The following CACNA2D2 variants were observed in gnomAD, a reference collection of about 807,000 sequenced individuals.
CACNA2D2 encodes the protein voltage-dependent calcium channel subunit alpha-2/delta-2.
In CACNA2D2, 48 loss-of-function variants were observed where a neutral mutation model predicts 166.4. The ratio of observed to expected loss-of-function variants is 0.29; its 90% confidence interval spans 0.23 to 0.37. The LOEUF (loss-of-function observed/expected upper bound fraction) is 0.37. Ranked by LOEUF, CACNA2D2 falls within the 10% of genes least tolerant of loss-of-function variation. CACNA2D2 has a pLI of 1.00. For missense variants in CACNA2D2, 1,122 were observed against 1,433.0 expected (o/e 0.78, Z 3.50); for synonymous variants, 561 against 573.7 (o/e 0.98, Z 0.32).
At chr3:50,401,189 G>A (rs1706432326) in intron 3 of CACNA2D2, among the ~76,000 whole-genome samples, 1 of 152,152 alleles carries the variant, frequency 6.6e-6, no homozygotes, top group Non-Finnish European at 1.5e-5. Context: ...GCAGCAACAG[G>A]CTCCCTGACC....
chr3:50,447,360 C>A lies in CACNA2D2; in HGVS notation c.289-12931G>T, dbSNP rs758540777. ...TTGGAGGCGATGGTGCCCTGGGCTT[C>A]CACATCGTCTGTCGGCAACCTCCAG... is the stretch of plus-strand genomic sequence containing the variant. On this transcript the variant is annotated intron_variant, in intron 2 of 37. Transcript: ENST00000424201. Among the ~76,000 whole-genome samples, 3 of 152,188 alleles carry A rather than the reference C, an allele frequency of 2.0e-5. No individual in the cohort carries two copies. In the South Asian group the frequency reaches 6.2e-4, roughly 31 times the overall value.
At chr3:50,405,791 G>T (rs1426472629) in intron 3 of CACNA2D2, among the ~76,000 whole-genome samples, 1 of 152,176 alleles carries the variant, frequency 6.6e-6, no homozygotes, top group Non-Finnish European at 1.5e-5. Flanking sequence ...TGTACCATTA[G>T]GGACAGAGCT....
At chr3:50,436,791 C>T (rs1412344337) in intron 2 of CACNA2D2, among the ~76,000 whole-genome samples, 3 of 152,216 alleles carry the variant, frequency 2.0e-5, no homozygotes, top group Admixed American at 6.5e-5. Context: ...CCAAAGCCAT[C>T]GGCTCCATTC....
intron 2 of CACNA2D2, among the ~76,000 whole-genome samples, chr3:50,452,467 C>T (rs1709146740): frequency 6.6e-6 from 1 of 152,192 alleles, no homozygotes; most frequent in Non-Finnish European, 1.5e-5. Flanking sequence ...GCAGGGGGAG[C>T]CCTGACAATC....
At chr3:50,447,606 G>T (rs559803917) in intron 2 of CACNA2D2, among the ~76,000 whole-genome samples, 7 of 152,276 alleles carry the variant, frequency 4.6e-5, no homozygotes, top group African/African-American at 1.4e-4. Context: ...CCTCAACAGA[G>T]GCTCACTCAG....
Position 50,376,275 on chromosome 3 carries a change from C to T in CACNA2D2, c.1627-87G>A, listed in dbSNP as rs1009559374. On this transcript the variant is annotated intron_variant, in intron 17 of 37. Coordinates refer to ENST00000424201, the MANE Select transcript of CACNA2D2 (RefSeq NM_006030.4). This position sits in a 1 kb window ranked among gnomAD's most constrained non-coding sequence, Gnocchi z 4.3. ...GAGTTCTTCCCTATTTGGCCTCCCA[C>T]CGCACCGAGAGATTCTGTTTGCCTG... 1.5e-5 allele frequency: 20 copies of T among 1,354,796 alleles called. No individual in the cohort carries two copies. The African/African-American group carries it at 2.9e-4, about 20-fold the overall frequency. The allele number at this position is 1,354,796 out of a possible 1,614,324, so 83.9% of individuals were successfully genotyped here.
At chr3:50,480,675 A>C (rs1438630041) in intron 1 of CACNA2D2, among the ~76,000 whole-genome samples, 2 of 150,164 alleles carry the variant, frequency 1.3e-5, no homozygotes, top group East Asian at 2.0e-4. Context: ...TGGGGTGAGA[A>C]GCTGCAGCTG....
intron 1 of CACNA2D2, among the ~76,000 whole-genome samples, chr3:50,493,364 G>C (rs531634696): frequency 6.6e-6 from 1 of 152,334 alleles, no homozygotes; most frequent in East Asian, 1.9e-4. Context: ...AGAGGAAGTC[G>C]GCTGGGGGCT....
intron 1 of CACNA2D2, among the ~76,000 whole-genome samples, chr3:50,500,977 G>C (rs1302313112): frequency 6.6e-6 from 1 of 152,138 alleles, no homozygotes; most frequent in African/African-American, 2.4e-5. Flanking sequence ...AGACACTAAT[G>C]AGAAAATGAC....
intron 3 of CACNA2D2, among the ~76,000 whole-genome samples, chr3:50,404,214 G>A (rs946809430): frequency 6.6e-6 from 1 of 152,166 alleles, no homozygotes; most frequent in Admixed American, 6.5e-5. Context: ...GTGAAGGTGT[G>A]AGTGGGGTGA....
At chr3:50,417,441 ACAT>A (rs1472991098) in intron 3 of CACNA2D2, among the ~76,000 whole-genome samples, 2 of 152,202 alleles carry the variant, frequency 1.3e-5, no homozygotes, top group African/African-American at 4.8e-5. Context: ...TCTTTTGCTG[ACAT>A]CAGCAGCTGC....
chr3:50,457,660 C>A (rs747615451), intron 2 of CACNA2D2, among the ~76,000 whole-genome samples: 1 of 152,192 alleles, frequency 6.6e-6, no homozygotes, highest in Admixed American at 6.5e-5. Flanking sequence ...CGTACCTCTG[C>A]CACTGCCTCA....
intron 5 of CACNA2D2, among the ~76,000 whole-genome samples, chr3:50,385,457 C>A (rs1210003821): frequency 6.6e-6 from 1 of 152,206 alleles, no homozygotes; most frequent in Non-Finnish European, 1.5e-5. Context: ...CCTGGGCATG[C>A]CCCTCCCCTG....
intron 3 of CACNA2D2, among the ~76,000 whole-genome samples, chr3:50,421,238 A>G (rs1299137030): frequency 2.0e-5 from 3 of 152,252 alleles, no homozygotes; most frequent in African/African-American, 7.2e-5. Context: ...GACAGACATC[A>G]TATTTTGCAA....
chr3:50,405,998 C>T (rs577295413), intron 3 of CACNA2D2, among the ~76,000 whole-genome samples: 2 of 150,932 alleles, frequency 1.3e-5, no homozygotes, highest in South Asian at 4.2e-4. Context: ...ATCTCTACCC[C>T]CTATCCATTG....
At chr3:50,466,246 T>C (rs1709821722) in intron 2 of CACNA2D2, among the ~76,000 whole-genome samples, 2 of 151,766 alleles carry the variant, frequency 1.3e-5, no homozygotes, top group South Asian at 4.2e-4. Context: ...ATGCTCACCA[T>C]GCATGGGGGA....
At chr3:50,496,425 G>C (rs981670333) in intron 1 of CACNA2D2, among the ~76,000 whole-genome samples, 1 of 152,234 alleles carries the variant, frequency 6.6e-6, no homozygotes, top group African/African-American at 2.4e-5. Context: ...CACAGGTGTA[G>C]ACACGCCCAC....
At chr3:50,447,163 G>A (rs913541467) in intron 2 of CACNA2D2, among the ~76,000 whole-genome samples, 5 of 152,218 alleles carry the variant, frequency 3.3e-5, no homozygotes, top group Admixed American at 3.3e-4. Flanking sequence ...GGATCCACTA[G>A]CAGGCAGGGG....
rs1235749305 is a variant in CACNA2D2 at position 50,384,438 on chromosome 3, T to TA, written c.511-102dup. The TA allele has an allele frequency of 9.2e-6, 12 of 1,310,046 alleles. No homozygotes were observed. The African/African-American group carries it at 1.8e-4, about 19-fold the overall frequency. 81.2% of individuals were successfully genotyped at this position (1,310,046 alleles called of 1,614,324 possible). On this transcript the variant is annotated intron_variant, in intron 5 of 37. Transcript: ENST00000424201. ...GCAGGGAGGGCCAGAGTCCAGGAGATAGGGGCATCTCAAAAAGAGAGACTA... is the reference window on the plus strand; with the variant it reads ...GCAGGGAGGGCCAGAGTCCAGGAGATAAGGGGCATCTCAAAAAGAGAGACTA...
Sources: allele counts gnomAD v4.1 joint callset (sites outside exome capture counted in the v4.1 genomes callset), GRCh38; gene constraint gnomAD v4.1.1; non-coding constraint Gnocchi (gnomAD v3.1); transcripts MANE v1.5; gene names NCBI Gene and HGNC (gene_info 2026-07-23, HGNC 2026-07-21).